Variants in GRK5 observed in about 807,000 individuals in gnomAD.
The protein encoded by GRK5 is g protein-coupled receptor kinase GRK5.
Under a neutral mutation model 78.4 loss-of-function variants are expected in GRK5, and 40 were observed. That is an observed-to-expected ratio of 0.51 (90% CI 0.40 to 0.66). The LOEUF (loss-of-function observed/expected upper bound fraction) is 0.66, where lower values mean the gene tolerates loss of function less well. Ranked by LOEUF, GRK5 falls within the 30% of genes least tolerant of loss-of-function variation. The probability of loss-of-function intolerance (pLI) is 0.00; values close to 1 mark genes in which losing one functional copy is unlikely to be tolerated. For synonymous variants in GRK5, 289 were observed against 296.8 expected, an observed-to-expected ratio of 0.97 and a Z score of 0.27; for missense variants, 598 against 759.9, an observed-to-expected ratio of 0.79 and a Z score of 2.50.
At chr10:119,317,517 G>T (rs566851040) in intron 1 of GRK5, among the ~76,000 whole-genome samples, 2 of 152,274 alleles carry the variant, frequency 1.3e-5, no homozygotes, top group Non-Finnish European at 2.9e-5. Flanking sequence ...GGCCGCAGCT[G>T]AGCAGTGCTC....
intron 10 of GRK5, among the ~76,000 whole-genome samples, chr10:119,440,841 G>T (rs946425329): frequency 1.3e-5 from 2 of 152,076 alleles, no homozygotes; most frequent in African/African-American, 2.4e-5. Flanking sequence ...ATGAGCCACC[G>T]GTTTCCACAC....
intron 2 of GRK5, among the ~76,000 whole-genome samples, chr10:119,355,624 AC>A (rs1411204908): frequency 1.3e-5 from 2 of 152,140 alleles, no homozygotes; most frequent in African/African-American, 4.8e-5. Context: ...TATTAAAAAT[AC>A]AAAAATTAGC....
chr10:119,304,868 GAGAGGTGTTTGGGCAAC>G lies in GRK5; in HGVS notation c.53-21647_53-21631del, dbSNP rs1338957513. ...GCAGAAAGGCAGTTGTTCGCTTAATGAGAGGTGTTTGGGCAACTCCCTCCTTCTGTCCCTCCCTCCCT... is the reference window on the plus strand; with the variant it reads ...GCAGAAAGGCAGTTGTTCGCTTAATGTCCCTCCTTCTGTCCCTCCCTCCCT... On this transcript the variant is annotated intron_variant, in intron 1 of 15. Coordinates refer to ENST00000392870, the MANE Select transcript of GRK5 (RefSeq NM_005308.3). 5.2e-4 allele frequency among the ~76,000 whole-genome samples: 79 copies of G among 152,216 alleles called. 3 individuals carry two copies. Among genetic ancestry groups the G allele is most frequent in the Non-Finnish European group, 2.1e-4 (14 of 68,038 alleles).
chr10:119,373,782 A>C (rs918033593), intron 2 of GRK5, among the ~76,000 whole-genome samples: 2 of 152,204 alleles, frequency 1.3e-5, no homozygotes, highest in Non-Finnish European at 2.9e-5. Context: ...GTGCGGATAG[A>C]CTTGCTCGAC....
chr10:119,326,493 C>T, intron 1 of GRK5, 23 bp from the exon 2 acceptor site: 1 of 1,595,352 alleles, frequency 6.3e-7, no homozygotes, highest in Non-Finnish European at 8.6e-7. Context: ...CTCAGCCAGG[C>T]ATCTTTTTCC....
rs1323008899 is a variant in GRK5 at position 119,430,717 on chromosome 10, C to T, written c.597+279C>T. ...AGCCTGCAGAGGACAAATGGGCAGC[C>T]CTGGTCGTGTGTGGGGAGGAGATGT... On this transcript the variant is annotated intron_variant, in intron 7 of 15. Transcript: ENST00000392870. This position sits in a 1 kb window ranked among gnomAD's most constrained non-coding sequence, Gnocchi z 4.5. 1.3e-5 allele frequency among the ~76,000 whole-genome samples: 2 copies of T among 152,020 alleles called. No homozygotes were observed. The highest frequency in any genetic ancestry group is 4.8e-5 in the African/African-American group (2 of 41,398).
chr10:119,216,084 CAG>C (rs946871716), intron 1 of GRK5, among the ~76,000 whole-genome samples: 2 of 152,146 alleles, frequency 1.3e-5, no homozygotes, highest in Non-Finnish European at 2.9e-5. Flanking sequence ...AACAATAACT[CAG>C]AGCACACTTA....
chr10:119,377,556 C>T lies in GRK5; in HGVS notation c.149-3259C>T, dbSNP rs556352312. On this transcript the variant is annotated intron_variant, in intron 2 of 15. Transcript: ENST00000392870. The stretch of plus-strand genomic sequence containing the variant: ...GTCCTTTTATTTCTCTCTAGGCTTC[C>T]AACGAGTAGTTTTTTTGCCTGGGAT... Among the ~76,000 whole-genome samples, 23 of 152,134 alleles carry T rather than the reference C, an allele frequency of 1.5e-4. No homozygotes were observed. In the South Asian group the frequency reaches 4.4e-3, roughly 29 times the overall value.
intron 1 of GRK5, among the ~76,000 whole-genome samples, chr10:119,308,685 T>C (rs1850312210): frequency 1.3e-5 from 2 of 152,228 alleles, no homozygotes; most frequent in South Asian, 4.1e-4. Context: ...TTCTTACGCC[T>C]CGTTCTGAGG....
chr10:119,369,293 G>A (rs1851505658), intron 2 of GRK5, among the ~76,000 whole-genome samples: 1 of 152,182 alleles, frequency 6.6e-6, no homozygotes, highest in Non-Finnish European at 1.5e-5. Flanking sequence ...TGGTGTCCCA[G>A]GTGCTTTTAG....
intron 1 of GRK5, among the ~76,000 whole-genome samples, chr10:119,216,117 A>G (rs1019690831): frequency 9.2e-5 from 14 of 152,266 alleles, no homozygotes; most frequent in African/African-American, 2.9e-4. Context: ...GTTTGAAACA[A>G]TAAAACAGTT....
Position 119,396,688 on chromosome 10 carries a change from GT to G in GRK5, c.262-3del. 6.2e-7 allele frequency: 1 copy of G among 1,608,504 alleles called. No individual in the cohort carries two copies. Among genetic ancestry groups the G allele is most frequent in the Non-Finnish European group, 8.5e-7 (1 of 1,174,858 alleles). On this transcript the variant is annotated splice_region_variant and splice_polypyrimidine_tract_variant and intron_variant, in intron 3 of 15. Transcript: ENST00000392870. ...TGTTATTGTTCTTTTTTCTCCTTCTGTTTTAGGCAGAATATGAAGTTACTCC... is the reference window on the plus strand; with the variant it reads ...TGTTATTGTTCTTTTTTCTCCTTCTGTTTAGGCAGAATATGAAGTTACTCC...
intron 1 of GRK5, among the ~76,000 whole-genome samples, chr10:119,228,725 G>A (rs1216812812): frequency 3.3e-5 from 5 of 152,154 alleles, no homozygotes; most frequent in South Asian, 4.1e-4. Flanking sequence ...TATGTACAAC[G>A]AATGTGCGTT....
At position 119,378,542 on chromosome 10, in the gene GRK5, C is replaced by T. The variant is rs779621027; in HGVS notation, c.149-2273C>T. Reference sequence around the variant, plus strand: ...CCCATGAAAGAAGGGGGCCTGGCCGCGGCTCTTTCCGTTCCAGGAGGCAGA... The same window carrying T: ...CCCATGAAAGAAGGGGGCCTGGCCGTGGCTCTTTCCGTTCCAGGAGGCAGA... On this transcript the variant is annotated intron_variant, in intron 2 of 15. Coordinates refer to ENST00000392870, the MANE Select transcript of GRK5 (RefSeq NM_005308.3). This position sits in a 1 kb window ranked among gnomAD's most constrained non-coding sequence, Gnocchi z 4.5. 8.5e-5 allele frequency among the ~76,000 whole-genome samples: 13 copies of T among 152,260 alleles called. No individual in the cohort carries two copies. The highest frequency in any genetic ancestry group is 2.0e-4 in the Admixed American group (3 of 15,294).
intron 2 of GRK5, among the ~76,000 whole-genome samples, chr10:119,355,282 A>C (rs1851248042): frequency 6.6e-6 from 1 of 152,196 alleles, no homozygotes; most frequent in Non-Finnish European, 1.5e-5. Context: ...TCATCTGTTG[A>C]TGAACACTTA....
In GRK5 at chr10:119,267,283, G is replaced by T. The variant is rs1849514361; in HGVS notation, c.53-59233G>T. On this transcript the variant is annotated intron_variant, in intron 1 of 15. Transcript: ENST00000392870. The surrounding 1 kb of genome is among the most constrained non-coding windows in gnomAD (Gnocchi z 4.1). ...CTTTTTGCAGTGACAGGGTCTGCCTGTGTTGCCCAGGCTGGTCTCAAACTC... is the reference window on the plus strand; with the variant it reads ...CTTTTTGCAGTGACAGGGTCTGCCTTTGTTGCCCAGGCTGGTCTCAAACTC... Among the ~76,000 whole-genome samples the T allele has an allele frequency of 6.6e-6, 1 of 151,954 alleles. No homozygotes were observed. The highest frequency in any genetic ancestry group is 6.5e-5 in the Admixed American group (1 of 15,272).
At chr10:119,400,340 G>C (rs1359245114) in intron 4 of GRK5, among the ~76,000 whole-genome samples, 14 of 152,344 alleles carry the variant, frequency 9.2e-5, no homozygotes, top group Non-Finnish European at 2.9e-5. Context: ...GAGGAAGCTG[G>C]ACACAAAAGA....
At chr10:119,255,920 G>C (rs1438731160) in intron 1 of GRK5, among the ~76,000 whole-genome samples, 2 of 152,204 alleles carry the variant, frequency 1.3e-5, no homozygotes, top group Admixed American at 6.5e-5. Flanking sequence ...AGCCAGGGAA[G>C]GCTTCTTGGA....
chr10:119,417,721 G>A (rs1004591402), intron 4 of GRK5, among the ~76,000 whole-genome samples: 1 of 152,210 alleles, frequency 6.6e-6, no homozygotes, highest in Non-Finnish European at 1.5e-5. Context: ...TAGGGTCACA[G>A]CAGCAGAGGA....
Sources: allele counts gnomAD v4.1 joint callset (sites outside exome capture counted in the v4.1 genomes callset), GRCh38; gene constraint gnomAD v4.1.1; non-coding constraint Gnocchi (gnomAD v3.1); transcripts MANE v1.5; gene names NCBI Gene and HGNC (gene_info 2026-07-23, HGNC 2026-07-21).